ACSM3: variants seen among roughly 807,000 people sequenced by gnomAD.
ACSM3 encodes the protein acyl-coenzyme A synthetase ACSM3, mitochondrial.
A neutral mutation model predicts 74.1 loss-of-function variants in ACSM3; 61 were observed. The ratio of observed to expected loss-of-function variants is 0.82; its 90% CI spans 0.67 to 1.02. The LOEUF is 1.02. Ranked by LOEUF, ACSM3 falls within the 50% of genes least tolerant of loss-of-function variation. The pLI, the probability that ACSM3 is intolerant of heterozygous loss-of-function variation, is 0.00. For missense variants in ACSM3, 660 were observed against 697.0 expected, an observed-to-expected ratio of 0.95 and a Z score of 0.60; for synonymous variants, 213 against 241.5, an observed-to-expected ratio of 0.88 and a Z score of 1.09.
intron 1 of ACSM3, among the ~76,000 whole-genome samples, chr16:20,731,228 C>G (rs904363125): frequency 2.0e-5 from 3 of 152,150 alleles, no homozygotes; most frequent in Non-Finnish European, 2.9e-5. Context: ...CTTCAAACTC[C>G]CTTGAAACCA....
In ACSM3 at chr16:20,732,870, G is replaced by A. The variant is rs80211776; in HGVS notation, c.-189-17040G>A. 3.6e-4 allele frequency: 56 copies of A among 156,986 alleles called. 1 individual carries two copies. The East Asian group carries it at 0.01, about 29-fold the overall frequency. The allele number at this position is 156,986 out of a possible 1,614,324, so 9.7% of individuals were successfully genotyped here. A position where few individuals can be genotyped will look rare whatever the true frequency, so the allele number is the denominator to read the frequency against. ...CTATTGCACTGACAATTGGAAAAAC[G>A]GAATCAAATGTCTCATAACGTTTTT... On this transcript the variant is annotated intron_variant, in intron 1 of 3. Coordinates refer to the ACSM3 transcript ENST00000561584.
At chr16:20,788,265 G>A (rs919898985) in intron 9 of ACSM3, among the ~76,000 whole-genome samples, 6 of 152,094 alleles carry the variant, frequency 3.9e-5, no homozygotes, top group Admixed American at 1.3e-4. Flanking sequence ...TGCATTACAG[G>A]GAAGTTGATA....
At chr16:20,718,427 C>A in intron 1 of ACSM3, 2 of 712,754 alleles carry the variant, frequency 2.8e-6, no homozygotes, top group Non-Finnish European at 4.0e-6. Context: ...AGTGGGACGA[C>A]AGGCTCTCCT....
chr16:20,758,132 G>C (rs551070596), intron 3 of ACSM3, among the ~76,000 whole-genome samples: 75 of 152,324 alleles, frequency 4.9e-4, no homozygotes, highest in Admixed American at 1.9e-3. Context: ...TTTGGTATCA[G>C]GATGATGTTG....
intron 1 of ACSM3, among the ~76,000 whole-genome samples, chr16:20,686,453 A>T (rs979855264): frequency 6.6e-6 from 1 of 152,012 alleles, no homozygotes; most frequent in African/African-American, 2.4e-5. Context: ...GGAACAACAC[A>T]CACTGGGGCC....
At chr16:20,741,488 C>A in intron 1 of ACSM3, 2 of 195,586 alleles carry the variant, frequency 1.0e-5, no homozygotes, top group South Asian at 1.0e-4. Flanking sequence ...CCGGCCCGCC[C>A]GCCCACCCCG....
intron 1 of ACSM3, among the ~76,000 whole-genome samples, chr16:20,689,126 A>G (rs1369228547): frequency 6.6e-6 from 1 of 151,426 alleles, no homozygotes; most frequent in Non-Finnish European, 1.5e-5. Context: ...GCTGGGATAG[A>G]ACTGTAAAGG....
intron 1 of ACSM3, among the ~76,000 whole-genome samples, chr16:20,717,950 GGAAGAGGAAGAA>G (rs1270143763): frequency 1.8e-3 from 108 of 59,030 alleles, no homozygotes; most frequent in African/African-American, 5.3e-3. Context: ...AAGAGGAAGA[GGAAGAGGAAGAA>G]GAAGAAGAAG....
intron 2 of ACSM3, among the ~76,000 whole-genome samples, chr16:20,774,706 C>T (rs1241760604): frequency 6.6e-6 from 1 of 152,202 alleles, no homozygotes; most frequent in Non-Finnish European, 1.5e-5. Flanking sequence ...TTTTGTTCAT[C>T]ATAAGGGTGC....
At chr16:20,796,110 G>A in intron 12 of ACSM3, 1 of 385,786 alleles carries the variant, frequency 2.6e-6, no homozygotes. Context: ...AACTCAGCGT[G>A]ACTACTGTTT....
intron 4 of ACSM3, chr16:20,779,831 G>A: frequency 5.4e-6 from 1 of 184,590 alleles, no homozygotes; most frequent in Non-Finnish European, 1.2e-5. Context: ...GAGTACGGTG[G>A]CTCGATCTTG....
At chr16:20,685,476 C>A in intron 1 of ACSM3, 1 of 1,372,978 alleles carries the variant, frequency 7.3e-7, no homozygotes, top group Non-Finnish European at 1.0e-6. Context: ...TAATCCACAG[C>A]CATAGTCACG....
intron 1 of ACSM3, among the ~76,000 whole-genome samples, chr16:20,716,480 T>C (rs2079762266): frequency 6.6e-6 from 1 of 152,130 alleles, no homozygotes; most frequent in East Asian, 1.9e-4. Context: ...GTTCAGGGCA[T>C]AAAACCCCTT....
intron 1 of ACSM3, chr16:20,691,091 G>C (rs1276383363): frequency 6.2e-7 from 1 of 1,613,644 alleles, no homozygotes; most frequent in East Asian, 2.2e-5. Flanking sequence ...TCCAAATTCT[G>C]ATAAAGACCG....
intron 1 of ACSM3, among the ~76,000 whole-genome samples, chr16:20,707,227 T>C (rs572856470): frequency 6.6e-6 from 1 of 152,070 alleles, no homozygotes; most frequent in Non-Finnish European, 1.5e-5. Flanking sequence ...AACTCCAACT[T>C]AGCTACAGAT....
chr16:20,679,795 T>A (rs923369579), intron 1 of ACSM3: 1 of 152,330 alleles, frequency 6.6e-6, no homozygotes, highest in East Asian at 1.9e-4. Flanking sequence ...GCTATATGTA[T>A]GTTATGACCC....
At chr16:20,767,390 G>C (rs1268617373) in intron 1 of ACSM3, among the ~76,000 whole-genome samples, 1 of 61,380 alleles carries the variant, frequency 1.6e-5, no homozygotes, top group Non-Finnish European at 3.8e-5. Context: ...AGTGGCGGGC[G>C]CCTGTAGTCC....
At chr16:20,712,332 G>A (rs758162070) in intron 1 of ACSM3, among the ~76,000 whole-genome samples, 5 of 152,236 alleles carry the variant, frequency 3.3e-5, no homozygotes, top group South Asian at 2.1e-4. Flanking sequence ...GCCCTAAACC[G>A]TAAGTTCTAA....
chr16:20,723,619 G>A (rs1192875962), intron 1 of ACSM3, among the ~76,000 whole-genome samples: 1 of 151,346 alleles, frequency 6.6e-6, no homozygotes, highest in Non-Finnish European at 1.5e-5. Context: ...TTGATTTGCA[G>A]TTCTCTGATG....
Sources: allele counts gnomAD v4.1 joint callset (sites outside exome capture counted in the v4.1 genomes callset), GRCh38; gene constraint gnomAD v4.1.1; transcripts MANE v1.5; gene names NCBI Gene and HGNC (gene_info 2026-07-23, HGNC 2026-07-21).